ATP9A: variants seen among roughly 807,000 people sequenced by gnomAD.
ATP9A encodes probable phospholipid-transporting ATPase IIA.
A neutral mutation model predicts 144.1 loss-of-function variants in ATP9A; 52 were observed. The ratio of observed to expected loss-of-function variants is 0.36; its 90% CI spans 0.29 to 0.45. The LOEUF (loss-of-function observed/expected upper bound fraction) is 0.45, where lower values mean the gene tolerates loss of function less well. Among genes scored for constraint, ATP9A ranks in the 20% least tolerant of loss-of-function variants. The pLI is 1.00. For missense variants in ATP9A, 947 were observed against 1,392.7 expected, an observed-to-expected ratio of 0.68 and a Z score of 5.09; for synonymous variants, 582 against 557.4, an observed-to-expected ratio of 1.04 and a Z score of -0.62.
chr20:51,606,425 A>G (rs1306957061), intron 26 of ATP9A, among the ~76,000 whole-genome samples: 1 of 151,904 alleles, frequency 6.6e-6, no homozygotes, highest in Admixed American at 6.6e-5. Context: ...TTCCGGGCAC[A>G]GTGGCTCATG....
chr20:51,635,882 G>C (rs541131287), intron 15 of ATP9A, among the ~76,000 whole-genome samples: 1 of 104,572 alleles, frequency 9.6e-6, no homozygotes, highest in Admixed American at 9.5e-5. Context: ...GGAGGGAGGA[G>C]GGGAGGGGAG....
intron 12 of ATP9A, 115 bp from the exon 13 acceptor site, chr20:51,670,224 G>T: frequency 1.3e-6 from 1 of 750,044 alleles, no homozygotes; most frequent in Non-Finnish European, 2.3e-6. Flanking sequence ...ACTGCAGTCA[G>T]TACTGTCCCT....
chr20:51,709,506 T>C (rs1158265190), intron 4 of ATP9A, among the ~76,000 whole-genome samples: 1 of 151,442 alleles, frequency 6.6e-6, no homozygotes, highest in Non-Finnish European at 1.5e-5. Flanking sequence ...GGGGGTTCGG[T>C]GGGGAAGAAA....
At chr20:51,707,970 A>G (rs936766563) in intron 4 of ATP9A, among the ~76,000 whole-genome samples, 6 of 152,048 alleles carry the variant, frequency 3.9e-5, no homozygotes, top group African/African-American at 9.7e-5. Context: ...GCCTCAAGCA[A>G]TCCTACCTCA....
rs1374463821 is a variant in ATP9A, at chr20:51,622,182, T to C, written c.2017-10A>G. 6 of 1,612,610 alleles carry C rather than the reference T, an allele frequency of 3.7e-6. No individual in the cohort carries two copies. The highest frequency in any genetic ancestry group is 3.3e-5 in the Admixed American group (2 of 59,990). ...CTGTCAGCATCCAAACCTGAAATCA[T>C]GGCGTGACAGAGGTCCTGTTTATTA... On this transcript the variant is annotated splice_polypyrimidine_tract_variant and intron_variant, in intron 18 of 27. Coordinates refer to ENST00000338821, the MANE Select transcript of ATP9A (RefSeq NM_006045.3).
chr20:51,708,271 G>A (rs1377339620), intron 4 of ATP9A, among the ~76,000 whole-genome samples: 1 of 150,232 alleles, frequency 6.7e-6, no homozygotes, highest in African/African-American at 2.5e-5. Context: ...TGGGCAACAT[G>A]GCGAAATCCC....
intron 1 of ATP9A, among the ~76,000 whole-genome samples, chr20:51,766,991 G>T (rs1005080486): frequency 5.9e-5 from 9 of 151,834 alleles, no homozygotes; most frequent in Admixed American, 1.3e-4. Context: ...TTCCTCCTCT[G>T]GGTAATATCA....
At chr20:51,765,129 T>C (rs907158262) in intron 1 of ATP9A, among the ~76,000 whole-genome samples, 2 of 152,130 alleles carry the variant, frequency 1.3e-5, no homozygotes, top group African/African-American at 4.8e-5. Flanking sequence ...TACATATTAC[T>C]TTTTTCTTCC....
intron 3 of ATP9A, among the ~76,000 whole-genome samples, chr20:51,719,785 G>T (rs2077680845): frequency 7.9e-6 from 1 of 125,822 alleles, no homozygotes; most frequent in Non-Finnish European, 1.7e-5. Context: ...AGTGGCTCAC[G>T]CCTATAATCC....
At chr20:51,696,716 G>C (rs1042788536) in intron 5 of ATP9A, among the ~76,000 whole-genome samples, 1 of 152,170 alleles carries the variant, frequency 6.6e-6, no homozygotes, top group Non-Finnish European at 1.5e-5. Context: ...CCACCCAAAA[G>C]AGTTTCACTT....
Position 51,658,516 on chromosome 20 carries a change from CT to C in ATP9A, c.1294-1367del, listed in dbSNP as rs35371153. Reference sequence around the variant, plus strand: ...ACACATCGGGTGCCACCTATGCTTCCTTTTTTTTTTTTTTTTTTTTGAGACA... The same window carrying C: ...ACACATCGGGTGCCACCTATGCTTCCTTTTTTTTTTTTTTTTTTTGAGACA... On this transcript the variant is annotated intron_variant, in intron 13 of 27. Coordinates refer to ENST00000338821, the MANE Select transcript of ATP9A (RefSeq NM_006045.3). Among the ~76,000 whole-genome samples the C allele has an allele frequency of 3.4e-3, 368 of 106,880 alleles. 1 individual carries two copies. Among genetic ancestry groups the C allele is most frequent in the African/African-American group, 0.012 (324 of 27,378 alleles). The allele number at this position is 106,880 out of a possible 152,430, so 70.1% of individuals were successfully genotyped here. A position where few individuals can be genotyped will look rare whatever the true frequency, so the allele number is the denominator to read the frequency against.
Position 51,671,197 on chromosome 20 carries a change from C to T in ATP9A, c.1098G>A (p.Ser366=), listed in dbSNP as rs2255341. The change falls in exon 12 of 28, where the codon TCG becomes TCA. Residue 366 remains serine (S), a synonymous_variant. Coordinates refer to ENST00000338821, the MANE Select transcript of ATP9A (RefSeq NM_006045.3). The part of the protein sequence containing the change: ...IVYSWVIRRD[S]KIPGTVVRSS... ...AGCGAACCACGGTCCCGGGGATTTTCGAGTCCCTTCGAATCACCCAGCTGT... is the reference window on the plus strand; with the variant it reads ...AGCGAACCACGGTCCCGGGGATTTTTGAGTCCCTTCGAATCACCCAGCTGT... 842,173 of 1,613,628 alleles carry T rather than the reference C, an allele frequency of 0.52. 222,581 individuals carry two copies. The highest frequency in any genetic ancestry group is 0.77 in the East Asian group (34,374 of 44,858).
intron 1 of ATP9A, among the ~76,000 whole-genome samples, chr20:51,742,139 C>A (rs533438357): frequency 1.3e-5 from 2 of 152,116 alleles, no homozygotes; most frequent in South Asian, 2.1e-4. Context: ...GCCCGAGCAA[C>A]ACGGTGAGAC....
intron 1 of ATP9A, among the ~76,000 whole-genome samples, chr20:51,744,327 G>A (rs532538859): frequency 2.0e-5 from 3 of 151,948 alleles, no homozygotes; most frequent in East Asian, 3.9e-4. Context: ...CACCACAGCC[G>A]GCTAATTTTT....
In ATP9A at chr20:51,684,297, T is replaced by C. The variant is rs548886368; in HGVS notation, c.799+4767A>G. On this transcript the variant is annotated intron_variant, in intron 9 of 27. Transcript: ENST00000338821. Reference sequence around the variant, plus strand: ...TGCAATTAAGGCAACAAATAAAATATTAATATTCTTATGACATAAACAATT... The same window carrying C: ...TGCAATTAAGGCAACAAATAAAATACTAATATTCTTATGACATAAACAATT... Among the ~76,000 whole-genome samples the C allele has an allele frequency of 5.9e-5, 9 of 152,310 alleles. No individual in the cohort carries two copies. The East Asian group carries it at 1.5e-3, about 26-fold the overall frequency.
rs571510187 is a variant in ATP9A, at chr20:51,691,742, C to A, written c.643-923G>T. ...TATAATCCAGCAATTCCACCTCCGGCTATATACCCAAAAGAAATGAAAGCA... is the reference window on the plus strand; with the variant it reads ...TATAATCCAGCAATTCCACCTCCGGATATATACCCAAAAGAAATGAAAGCA... On this transcript the variant is annotated intron_variant, in intron 7 of 27. Coordinates refer to ENST00000338821, the MANE Select transcript of ATP9A (RefSeq NM_006045.3). Among the ~76,000 whole-genome samples, 167 of 152,280 alleles carry A rather than the reference C, an allele frequency of 1.1e-3. 1 individual carries two copies. Among genetic ancestry groups the A allele is most frequent in the African/African-American group, 3.8e-3 (158 of 41,552 alleles).
intron 3 of ATP9A, among the ~76,000 whole-genome samples, chr20:51,720,880 T>A (rs1161171358): frequency 6.6e-6 from 1 of 152,034 alleles, no homozygotes; most frequent in Non-Finnish European, 1.5e-5. Context: ...ACAATATCAG[T>A]GCTTAAAGGC....
intron 15 of ATP9A, among the ~76,000 whole-genome samples, chr20:51,637,306 T>TTAAA (rs757710809): frequency 1.1e-5 from 1 of 89,946 alleles, no homozygotes; most frequent in Non-Finnish European, 2.0e-5. Flanking sequence ...TCCCTAACAT[T>TTAAA]AAAAAAAAAA....
intron 3 of ATP9A, among the ~76,000 whole-genome samples, chr20:51,724,090 G>A (rs2077701811): frequency 6.6e-6 from 1 of 151,958 alleles, no homozygotes; most frequent in Admixed American, 6.6e-5. Context: ...AGAATCGCTT[G>A]GACCCAGGAG....
Sources: allele counts gnomAD v4.1 joint callset (sites outside exome capture counted in the v4.1 genomes callset), GRCh38; gene constraint gnomAD v4.1.1; transcripts MANE v1.5; gene names NCBI Gene and HGNC (gene_info 2026-07-23, HGNC 2026-07-21).